Variants in UGT1A6 observed in about 807,000 individuals in gnomAD.
UGT1A6 encodes the protein UDP-glucuronosyltransferase 1A6.
A neutral mutation model predicts 44.4 loss-of-function variants in UGT1A6; 32 were observed. The observed-to-expected ratio is 0.72, with a 90% CI of 0.54 to 0.97. UGT1A6 has a LOEUF of 0.97. UGT1A6 is among the 50% of genes least tolerant of loss of function. The probability of loss-of-function intolerance (pLI) is 0.00; values close to 1 mark genes in which losing one functional copy is unlikely to be tolerated. For missense variants in UGT1A6, 685 were observed against 661.9 expected (o/e 1.03, Z -0.38); for synonymous variants, 238 against 248.5 (o/e 0.96, Z 0.40).
At chr2:233,730,000 A>G (rs569428615) in intron 1 of UGT1A6, 10 of 1,614,004 alleles carry the variant, frequency 6.2e-6, no homozygotes, top group Admixed American at 3.3e-5. Context: ...TCAGGTCTGT[A>G]TTGGTGCCTT....
chr2:233,746,231 A>C, intron 1 of UGT1A6, among the ~76,000 whole-genome samples: 1 of 151,848 alleles, frequency 6.6e-6, no homozygotes, highest in Non-Finnish European at 1.5e-5. Context: ...AGATATGCAA[A>C]CTGCTAAAAG....
chr2:233,712,993 T>C lies in UGT1A6; in HGVS notation c.861+19128T>C, dbSNP rs780175553. ...CAGCTGTCGGTGGCTTCTGCTGAGA[T>C]GGCCACAGGACTCCAGGTTCCCCTG... On this transcript the variant is annotated intron_variant, in intron 1 of 4. Transcript: ENST00000305139. 5.0e-6 allele frequency: 8 copies of C among 1,613,368 alleles called. No individual in the cohort carries two copies. The East Asian group carries it at 1.8e-4, about 36-fold the overall frequency.
At position 233,742,060 on chromosome 2, in the gene UGT1A6, T is replaced by A. The variant is rs74500985; in HGVS notation, c.862-24974T>A. On this transcript the variant is annotated intron_variant, in intron 1 of 4. Transcript: ENST00000305139. ...AGCATAGCAATAGGATAGTTCTGTG[T>A]GGCCTTATGGAGATCCTTTTTTTAC... 642 of 152,036 alleles carry A rather than the reference T, an allele frequency of 4.2e-3. 25 individuals carry two copies. Among genetic ancestry groups the A allele is most frequent in the African/African-American group, 0.015 (610 of 41,262 alleles). 9.4% of individuals were successfully genotyped at this position (152,036 alleles called of 1,614,324 possible).
chr2:233,721,622 A>G (rs2076958313), intron 1 of UGT1A6: 1 of 189,722 alleles, frequency 5.3e-6, no homozygotes, highest in Non-Finnish European at 1.1e-5. Flanking sequence ...GTTCCTTATC[A>G]GTAAAGATCA....
Position 233,760,871 on chromosome 2 carries a change from G to A in UGT1A6, c.862-6163G>A, listed in dbSNP as rs767764203. 84 of 1,614,010 alleles carry A rather than the reference G, an allele frequency of 5.2e-5. No individual in the cohort carries two copies. Among genetic ancestry groups the A allele is most frequent in the Non-Finnish European group, 5.2e-5 (61 of 1,180,040 alleles). On this transcript the variant is annotated intron_variant, in intron 1 of 4. Transcript: ENST00000305139. ...CCCAACCCATTCTCCTACGTGCCCAGGCCTCTCTCCTCTCATTCAGATCAC... is the reference window on the plus strand; with the variant it reads ...CCCAACCCATTCTCCTACGTGCCCAAGCCTCTCTCCTCTCATTCAGATCAC...
chr2:233,718,890 C>A (rs6755571), intron 1 of UGT1A6: 85,148 of 1,613,968 alleles, frequency 0.053, 2,693 homozygotes, highest in Non-Finnish European at 0.063. Flanking sequence ...CAGTGTCCAG[C>A]CCTGGGCTGA....
At chr2:233,753,025 C>CA in intron 1 of UGT1A6, among the ~76,000 whole-genome samples, 1 of 152,200 alleles carries the variant, frequency 6.6e-6, no homozygotes, top group East Asian at 1.9e-4. Context: ...ATTTACAACA[C>CA]AAAAAACTAC....
chr2:233,718,208 A>C (rs934013354), intron 1 of UGT1A6, among the ~76,000 whole-genome samples: 2 of 152,102 alleles, frequency 1.3e-5, no homozygotes, highest in Non-Finnish European at 2.9e-5. Context: ...TTTTTTTTAT[A>C]TTGACAGCCA....
chr2:233,706,787 C>A (rs2075924300), intron 1 of UGT1A6, among the ~76,000 whole-genome samples: 2 of 152,154 alleles, frequency 1.3e-5, no homozygotes, highest in South Asian at 4.1e-4. Context: ...GAGAGAAATA[C>A]CATGCACCAA....
intron 1 of UGT1A6, among the ~76,000 whole-genome samples, chr2:233,707,183 C>T (rs192389190): frequency 1.4e-4 from 22 of 152,240 alleles, no homozygotes; most frequent in Admixed American, 5.2e-4. Context: ...TCCTGGGTGC[C>T]TGCCCTCCGT....
chr2:233,760,580 A>G, intron 1 of UGT1A6: 1 of 1,614,212 alleles, frequency 6.2e-7, no homozygotes, highest in Non-Finnish European at 8.5e-7. Context: ...CTCGGGCATA[A>G]TGTTTTTGAG....
At chr2:233,770,500 A>AT (rs1700093584) in intron 4 of UGT1A6, 1 of 152,124 alleles carries the variant, frequency 6.6e-6, no homozygotes, top group Admixed American at 6.5e-5. Flanking sequence ...CCAAAAAAAT[A>AT]TAAAAAAATT....
intron 1 of UGT1A6, chr2:233,747,522 G>C: frequency 6.2e-7 from 1 of 1,606,796 alleles, no homozygotes; most frequent in South Asian, 1.1e-5. Context: ...CTTTGAAACA[G>C]AACATTTTCT....
chr2:233,772,426 A>C lies in UGT1A6; in HGVS notation c.1466A>C (p.Asp489Ala), dbSNP rs1300515739. The C allele has an allele frequency of 1.2e-5, 20 of 1,614,062 alleles. No individual in the cohort carries two copies. Among genetic ancestry groups the C allele is most frequent in the Non-Finnish European group, 1.7e-5 (20 of 1,180,044 alleles). Reference sequence around the variant, plus strand: ...ACCTGGTACCAGTACCATTCCTTGGACGTGATTGGTTTCCTCTTGGCCGTC... The same window carrying C: ...ACCTGGTACCAGTACCATTCCTTGGCCGTGATTGGTTTCCTCTTGGCCGTC... Reference protein sequence around the residue: ...DLTWYQYHSLDVIGFLLAVVL... With the variant: ...DLTWYQYHSLAVIGFLLAVVL... Residue 489 changes from aspartate (D) to alanine (A), a missense_variant, in exon 5 of 5, where the codon GAC becomes GCC. Coordinates refer to ENST00000305139, the MANE Select transcript of UGT1A6 (RefSeq NM_001072.4).
In UGT1A6 at chr2:233,760,159, C is replaced by A. The variant is rs35071471; in HGVS notation, c.862-6875C>A. The A allele has an allele frequency of 1.9e-5, 29 of 1,504,618 alleles. No individual in the cohort carries two copies. In the East Asian group the frequency reaches 7.0e-4, roughly 36 times the overall value. 93.2% of individuals were successfully genotyped at this position (1,504,618 alleles called of 1,614,324 possible). A position where few individuals can be genotyped will look rare whatever the true frequency, so the allele number is the denominator to read the frequency against. On this transcript the variant is annotated intron_variant, in intron 1 of 4. Coordinates refer to ENST00000305139, the MANE Select transcript of UGT1A6 (RefSeq NM_001072.4). ...TCTCTGAAAGTGAACTCCCTGCTAC[C>A]TTTGTGGACTGACAGCTTTTTATAG...
rs576537163 is a variant in UGT1A6 at position 233,710,782 on chromosome 2, G to A, written c.861+16917G>A. On this transcript the variant is annotated intron_variant, in intron 1 of 4. Transcript: ENST00000305139. Reference sequence around the variant, plus strand: ...TTTGATTAAGTCAATTTTAGCAAACGTTTTGTGTTTTGTACCCCTCGTGCC... The same window carrying A: ...TTTGATTAAGTCAATTTTAGCAAACATTTTGTGTTTTGTACCCCTCGTGCC... Among the ~76,000 whole-genome samples the A allele has an allele frequency of 3.3e-5, 5 of 152,292 alleles. No individual in the cohort carries two copies. In the South Asian group the frequency reaches 8.3e-4, roughly 25 times the overall value.
intron 1 of UGT1A6, among the ~76,000 whole-genome samples, chr2:233,709,993 T>G (rs2076102141): frequency 6.6e-6 from 1 of 152,226 alleles, no homozygotes; most frequent in African/African-American, 2.4e-5. Context: ...CTGAATGGAA[T>G]CATACAATTA....
intron 1 of UGT1A6, among the ~76,000 whole-genome samples, chr2:233,706,932 A>G (rs1395113598): frequency 6.6e-6 from 1 of 152,126 alleles, no homozygotes; most frequent in Non-Finnish European, 1.5e-5. Context: ...GAGTCTGGTG[A>G]GATGGAATGC....
At chr2:233,755,578 G>A (rs931050095) in intron 1 of UGT1A6, 38 of 160,002 alleles carry the variant, frequency 2.4e-4, no homozygotes, top group Non-Finnish European at 4.7e-4. Flanking sequence ...GGAAAAGAGA[G>A]GGCCTTGACT....
Sources: allele counts gnomAD v4.1 joint callset (sites outside exome capture counted in the v4.1 genomes callset), GRCh38; gene constraint gnomAD v4.1.1; transcripts MANE v1.5; gene names NCBI Gene and HGNC (gene_info 2026-07-23, HGNC 2026-07-21).